The following KCNK10 variants were observed in gnomAD, a reference collection of about 807,000 sequenced individuals.
The protein encoded by KCNK10 is potassium two pore domain channel subfamily K member 10.
KCNK10 carries 25 observed loss-of-function variants against 47.7 expected under a neutral mutation model. The observed-to-expected ratio is 0.52, with a 90% CI of 0.38 to 0.73. KCNK10 has a LOEUF of 0.73. KCNK10 is among the 30% of genes least tolerant of loss of function. The pLI, the probability that KCNK10 is intolerant of heterozygous loss-of-function variation, is 0.00. For missense variants in KCNK10, 563 were observed against 714.5 expected (o/e 0.79, Z 2.42); for synonymous variants, 303 against 285.6 (o/e 1.06, Z -0.61).
chr14:88,313,908 T>A (rs1258480167), intron 1 of KCNK10, among the ~76,000 whole-genome samples: 2 of 152,222 alleles, frequency 1.3e-5, no homozygotes, highest in African/African-American at 4.8e-5. Flanking sequence ...ATGACACCAC[T>A]TTTCTTCTCA....
chr14:88,241,543 A>G (rs1412271898), intron 2 of KCNK10, among the ~76,000 whole-genome samples: 1 of 152,084 alleles, frequency 6.6e-6, no homozygotes, highest in Non-Finnish European at 1.5e-5. Context: ...ATAAGCTACA[A>G]TGACTCCTTG....
intron 3 of KCNK10, among the ~76,000 whole-genome samples, chr14:88,238,710 A>C (rs1425018096): frequency 1.3e-5 from 2 of 152,142 alleles, no homozygotes; most frequent in East Asian, 3.8e-4. Flanking sequence ...TTGCACTCAC[A>C]ACTTTGCTAA....
intron 1 of KCNK10, among the ~76,000 whole-genome samples, chr14:88,267,521 C>T (rs930098522): frequency 6.6e-6 from 1 of 152,014 alleles, no homozygotes; most frequent in East Asian, 1.9e-4. Context: ...CAGGCGTGCA[C>T]CACCATGCCC....
At chr14:88,323,638 G>C (rs1285006097), upstream of KCNK10, 1 of 151,374 alleles carries the variant, frequency 6.6e-6, no homozygotes, top group African/African-American at 2.4e-5. Flanking sequence ...TGGGCGCGCC[G>C]CTACTTACTG....
At chr14:88,324,137 A>G (rs1052683773), upstream of KCNK10, among the ~76,000 whole-genome samples, 2 of 152,224 alleles carry the variant, frequency 1.3e-5, no homozygotes, top group African/African-American at 4.8e-5. Context: ...AGCTCCCGGA[A>G]GCGGCGGCCC....
chr14:88,275,996 C>T (rs941784257), intron 1 of KCNK10, among the ~76,000 whole-genome samples: 7 of 152,154 alleles, frequency 4.6e-5, no homozygotes, highest in East Asian at 1.9e-4. Context: ...CAGAACAAAA[C>T]GGATCTGGGT....
chr14:88,297,806 A>C (rs965779407), intron 1 of KCNK10, among the ~76,000 whole-genome samples: 1 of 152,232 alleles, frequency 6.6e-6, no homozygotes, highest in Non-Finnish European at 1.5e-5. Flanking sequence ...CATTATATAA[A>C]ATAGATAAAT....
Position 88,320,866 on chromosome 14 carries a change from AC to A in KCNK10, c.52+1880del, listed in dbSNP as rs538066151. 1.5e-4 allele frequency among the ~76,000 whole-genome samples: 23 copies of A among 151,862 alleles called. No homozygotes were observed. The South Asian group carries it at 4.6e-3, about 30-fold the overall frequency. On this transcript the variant is annotated intron_variant, in intron 1 of 6. Transcript: ENST00000319231. ...TTTAGATAAATACTATACTCTTCCAACCCCACAATGCTACCCCACCTCCAAC... is the reference window on the plus strand; with the variant it reads ...TTTAGATAAATACTATACTCTTCCAACCCACAATGCTACCCCACCTCCAAC...
chr14:88,209,500 C>T (rs60129330), intron 4 of KCNK10, among the ~76,000 whole-genome samples: 4,292 of 152,332 alleles, frequency 0.028, 200 homozygotes, highest in African/African-American at 0.097. Context: ...GAGGAGCCGA[C>T]GAACCTGCCG....
intron 4 of KCNK10, among the ~76,000 whole-genome samples, chr14:88,222,196 A>T (rs1436475566): frequency 6.6e-6 from 1 of 152,208 alleles, no homozygotes. Context: ...CGTGAGGCTT[A>T]TTCACTATCA....
chr14:88,289,923 A>G (rs1009019258), intron 1 of KCNK10, among the ~76,000 whole-genome samples: 9 of 152,204 alleles, frequency 5.9e-5, no homozygotes, highest in African/African-American at 2.2e-4. Flanking sequence ...TTGTGTATCT[A>G]TTTTGGCATA....
chr14:88,312,706 T>G (rs1335876322), intron 1 of KCNK10, among the ~76,000 whole-genome samples: 1 of 152,008 alleles, frequency 6.6e-6, no homozygotes, highest in Non-Finnish European at 1.5e-5. Flanking sequence ...AAAAATAGGG[T>G]GGATTATGGG....
At chr14:88,267,930 T>A (rs895493657) in intron 1 of KCNK10, among the ~76,000 whole-genome samples, 31 of 152,118 alleles carry the variant, frequency 2.0e-4, no homozygotes, top group African/African-American at 7.5e-4. Context: ...TCTGCTTACA[T>A]CACTACATTC....
chr14:88,235,639 C>T (rs1478673312), intron 3 of KCNK10, among the ~76,000 whole-genome samples: 1 of 151,892 alleles, frequency 6.6e-6, no homozygotes, highest in Non-Finnish European at 1.5e-5. Flanking sequence ...TTGTGGAAAA[C>T]ATACAAACTA....
intron 1 of KCNK10, among the ~76,000 whole-genome samples, chr14:88,297,741 C>T (rs1888015400): frequency 6.6e-6 from 1 of 152,168 alleles, no homozygotes; most frequent in South Asian, 2.1e-4. Flanking sequence ...ATTGCTTTGC[C>T]CTATTCATTG....
rs941023865 is a variant in KCNK10 at position 88,322,334 on chromosome 14, T to G, written c.52+413A>C. On this transcript the variant is annotated intron_variant, in intron 1 of 6. Coordinates refer to ENST00000319231, the MANE Select transcript of KCNK10 (RefSeq NM_138317.3). This position sits in a 1 kb window ranked among gnomAD's most constrained non-coding sequence, Gnocchi z 4.8. ...CTTTCCCACTGAGGACACCCGGGCATGCGGCGCAGCTCCAGGTCCAGGGGG... is the reference window on the plus strand; with the variant it reads ...CTTTCCCACTGAGGACACCCGGGCAGGCGGCGCAGCTCCAGGTCCAGGGGG... Among the ~76,000 whole-genome samples the G allele has an allele frequency of 2.6e-5, 4 of 151,976 alleles. No individual in the cohort carries two copies. Among genetic ancestry groups the G allele is most frequent in the African/African-American group, 9.7e-5 (4 of 41,348 alleles).
At chr14:88,216,256 G>C (rs976053589) in intron 4 of KCNK10, among the ~76,000 whole-genome samples, 1 of 152,186 alleles carries the variant, frequency 6.6e-6, no homozygotes, top group African/African-American at 2.4e-5. Context: ...GATCATTGGT[G>C]GAGGCACCAG....
intron 4 of KCNK10, among the ~76,000 whole-genome samples, chr14:88,215,876 A>G (rs959780912): frequency 1.3e-5 from 2 of 152,230 alleles, no homozygotes; most frequent in African/African-American, 2.4e-5. Context: ...TTTACTGTGC[A>G]TAGAAAAGAG....
At chr14:88,301,350 ACTCT>A (rs1197529003) in intron 1 of KCNK10, among the ~76,000 whole-genome samples, 1 of 149,356 alleles carries the variant, frequency 6.7e-6, no homozygotes, top group Non-Finnish European at 1.5e-5. Flanking sequence ...CCTTCTTAAA[ACTCT>A]CTCCTCCCTT....
Sources: gnomAD v4.1 joint callset for allele counts (sites outside exome capture counted in the v4.1 genomes callset) on GRCh38, gnomAD v4.1.1 for gene constraint, Gnocchi (gnomAD v3.1) non-coding constraint, MANE v1.5 for transcripts, NCBI Gene and HGNC (gene_info 2026-07-23, HGNC 2026-07-21) for gene names.